The following KLF12 variants were observed in gnomAD, a reference collection of about 807,000 sequenced individuals.
KLF12 encodes KLF transcription factor 12, also known as Krueppel-like factor 12.
In KLF12, 9 loss-of-function variants were observed where a neutral mutation model predicts 37.8. The ratio of observed to expected loss-of-function variants is 0.24; its 90% CI spans 0.14 to 0.42. The LOEUF is 0.42. Ranked by LOEUF, KLF12 falls within the 10% of genes least tolerant of loss-of-function variation. The pLI, the probability that KLF12 is intolerant of heterozygous loss-of-function variation, is 1.00. For synonymous variants in KLF12, 208 were observed against 202.1 expected (o/e 1.03, Z -0.25); for missense variants, 411 against 516.0 (o/e 0.80, Z 1.97).
At position 73,810,985 on chromosome 13, in the gene KLF12, T is replaced by C. The variant is rs1432128300; in HGVS notation, c.806+2167A>G. Among the ~76,000 whole-genome samples the C allele has an allele frequency of 6.0e-3, 694 of 116,054 alleles. 9 individuals are homozygous for C. Among genetic ancestry groups the C allele is most frequent in the African/African-American group, 0.024 (659 of 27,552 alleles). 76.1% of individuals were successfully genotyped at this position (116,054 alleles called of 152,430 possible). On this transcript the variant is annotated intron_variant, in intron 5 of 7. Transcript: ENST00000377669. The stretch of plus-strand genomic sequence containing the variant: ...TTTATTTTTTTAATTTTTCTTTCTT[T>C]TTTTTTTTTTTTTTTTTTTTTTAGG...
the KLF12 span, among the ~76,000 whole-genome samples, chr13:74,177,188 A>T: frequency 6.6e-6 from 1 of 152,176 alleles, no homozygotes; most frequent in Non-Finnish European, 1.5e-5. Context: ...AAACATGAAA[A>T]TTGACTTTAC....
At chr13:74,246,055 A>G in the KLF12 span, among the ~76,000 whole-genome samples, 1,721 of 152,286 alleles carry the variant, frequency 0.011, 14 homozygotes, top group Non-Finnish European at 0.018. Context: ...CAGTGTGCCA[A>G]TTCTCTGGCT....
upstream of KLF12, among the ~76,000 whole-genome samples, chr13:74,136,934 C>T (rs1043543943): frequency 2.0e-5 from 3 of 152,176 alleles, no homozygotes; most frequent in Admixed American, 2.0e-4. Flanking sequence ...AGAATCACTT[C>T]ATTGTGTGGA....
At chr13:74,058,193 C>A (rs1873358605) in intron 1 of KLF12, among the ~76,000 whole-genome samples, 2 of 151,702 alleles carry the variant, frequency 1.3e-5, no homozygotes, top group African/African-American at 2.4e-5. Context: ...TCTCAAACTC[C>A]TGACCTCAAC....
intron 1 of KLF12, among the ~76,000 whole-genome samples, chr13:73,999,694 C>A (rs914608496): frequency 6.6e-6 from 1 of 152,122 alleles, no homozygotes; most frequent in African/African-American, 2.4e-5. Flanking sequence ...GAGCCGAGAT[C>A]GCTCCGCTAC....
chr13:74,147,599 T>TA, the KLF12 span, among the ~76,000 whole-genome samples: 3 of 152,184 alleles, frequency 2.0e-5, no homozygotes, highest in Non-Finnish European at 4.4e-5. Context: ...CTTTGGGACT[T>TA]ACGTACCGCC....
upstream of KLF12, among the ~76,000 whole-genome samples, chr13:74,135,130 C>G (rs549234686): frequency 1.4e-4 from 22 of 151,950 alleles, no homozygotes; most frequent in Middle Eastern, 3.4e-3. Flanking sequence ...ACGCACGTTG[C>G]GGGCGAAGCG....
At chr13:73,900,520 C>T (rs1408836293) in intron 3 of KLF12, among the ~76,000 whole-genome samples, 1 of 151,914 alleles carries the variant, frequency 6.6e-6, no homozygotes, top group African/African-American at 2.4e-5. Flanking sequence ...ATTCAGGACT[C>T]TACATATTAT....
intron 1 of KLF12, among the ~76,000 whole-genome samples, chr13:74,024,216 G>A (rs531803699): frequency 5.3e-5 from 8 of 152,212 alleles, no homozygotes; most frequent in Admixed American, 5.2e-4. Flanking sequence ...AAGCTTTGTG[G>A]AATTAACCAC....
the KLF12 span, among the ~76,000 whole-genome samples, chr13:74,166,657 C>A: frequency 6.6e-6 from 1 of 152,074 alleles, no homozygotes; most frequent in Non-Finnish European, 1.5e-5. Context: ...TACTTATTTT[C>A]TCTTTAATCC....
chr13:73,930,860 A>ATTTTTTTTTTTTT (rs11432866), intron 3 of KLF12, among the ~76,000 whole-genome samples: 1 of 109,466 alleles, frequency 9.1e-6, no homozygotes, highest in Non-Finnish European at 1.7e-5. Context: ...AACTGGAAAC[A>ATTTTTTTTTTTTT]TTTTTTTTTT....
chr13:73,970,992 C>G (rs1167781220), intron 2 of KLF12, among the ~76,000 whole-genome samples: 1 of 152,024 alleles, frequency 6.6e-6, no homozygotes, highest in African/African-American at 2.4e-5. Flanking sequence ...GAGAAGGCAT[C>G]TTTGAAAAAC....
At chr13:73,896,414 A>G (rs1191574414) in intron 3 of KLF12, among the ~76,000 whole-genome samples, 1 of 152,148 alleles carries the variant, frequency 6.6e-6, no homozygotes, top group African/African-American at 2.4e-5. Flanking sequence ...CTGAATGTCT[A>G]TGTGCCAAGC....
intron 1 of KLF12, among the ~76,000 whole-genome samples, chr13:74,025,082 G>A (rs1254013829): frequency 6.6e-6 from 1 of 152,180 alleles, no homozygotes; most frequent in Non-Finnish European, 1.5e-5. Flanking sequence ...ATATGACAGA[G>A]TTTAAAGAAA....
intron 3 of KLF12, among the ~76,000 whole-genome samples, chr13:73,887,024 A>G (rs1010180009): frequency 3.3e-5 from 5 of 151,702 alleles, no homozygotes; most frequent in Admixed American, 6.6e-5. Context: ...AAAGAAAAGT[A>G]TAACTTTTTT....
chr13:74,086,404 T>G (rs1875300302), intron 1 of KLF12, among the ~76,000 whole-genome samples: 2 of 151,768 alleles, frequency 1.3e-5, no homozygotes, highest in Non-Finnish European at 2.9e-5. Context: ...TTGCTGAGAA[T>G]GATGATTTCC....
intron 2 of KLF12, among the ~76,000 whole-genome samples, chr13:73,953,220 G>A (rs1017622229): frequency 5.9e-5 from 9 of 151,966 alleles, no homozygotes; most frequent in African/African-American, 2.2e-4. Flanking sequence ...GTTACACAGA[G>A]GGAAAGATTT....
the KLF12 span, chr13:74,289,084 A>AT: frequency 2.6e-5 from 4 of 152,158 alleles, no homozygotes; most frequent in East Asian, 1.9e-4. Context: ...ATTTTTATAT[A>AT]TTTTTTCTAT....
At chr13:74,052,042 TAAAG>T (rs976172722) in intron 1 of KLF12, among the ~76,000 whole-genome samples, 10 of 151,778 alleles carry the variant, frequency 6.6e-5, no homozygotes, top group African/African-American at 2.2e-4. Flanking sequence ...AAATGAAACT[TAAAG>T]AAAAAAAAAG....
Sources: allele counts gnomAD v4.1 joint callset (sites outside exome capture counted in the v4.1 genomes callset), GRCh38; gene constraint gnomAD v4.1.1; transcripts MANE v1.5; gene names NCBI Gene and HGNC (gene_info 2026-07-23, HGNC 2026-07-21).